The following ARAP2 variants were observed in gnomAD, a reference collection of about 807,000 sequenced individuals.
ARAP2 encodes the protein arf-GAP with Rho-GAP domain, ANK repeat and PH domain-containing protein 2.
In ARAP2, 148 loss-of-function variants were observed where a neutral mutation model predicts 194.5. The ratio of observed to expected loss-of-function variants is 0.76; its 90% CI spans 0.67 to 0.87. The LOEUF (loss-of-function observed/expected upper bound fraction) is 0.87, where lower values mean the gene tolerates loss of function less well. ARAP2 is among the 40% of genes least tolerant of loss of function. The pLI is 0.00. For missense variants in ARAP2, 2,128 were observed against 1,989.7 expected, an observed-to-expected ratio of 1.07 and a Z score of -1.32; for synonymous variants, 695 against 683.5, an observed-to-expected ratio of 1.02 and a Z score of -0.26.
At chr4:36,077,849 G>A (rs1241642956) in intron 31 of ARAP2, among the ~76,000 whole-genome samples, 1 of 152,102 alleles carries the variant, frequency 6.6e-6, no homozygotes, top group African/African-American at 2.4e-5. Flanking sequence ...ACAAGACAGT[G>A]ATGATGTCTC....
chr4:36,099,392 C>T (rs2109423179), intron 27 of ARAP2, among the ~76,000 whole-genome samples: 1 of 152,164 alleles, frequency 6.6e-6, no homozygotes, highest in African/African-American at 2.4e-5. Flanking sequence ...AGGGCATGGG[C>T]CTTATCTACA....
At chr4:36,036,307 C>T (rs1291811614) in intron 5 of ARAP2, among the ~76,000 whole-genome samples, 2 of 151,976 alleles carry the variant, frequency 1.3e-5, no homozygotes, top group Admixed American at 1.3e-4. Flanking sequence ...AATCCATGGA[C>T]GTGGCATATA....
At chr4:36,017,178 T>C (rs192881034) in intron 6 of ARAP2, among the ~76,000 whole-genome samples, 54 of 151,890 alleles carry the variant, frequency 3.6e-4, no homozygotes, top group African/African-American at 1.3e-3. Context: ...CAATTTGATG[T>C]CAAGATAAAA....
intron 15 of ARAP2, among the ~76,000 whole-genome samples, chr4:36,152,256 A>G: frequency 6.6e-6 from 1 of 152,320 alleles, no homozygotes; most frequent in East Asian, 1.9e-4. Flanking sequence ...GACCAAAGCA[A>G]TTCCTGGTCA....
At chr4:36,156,054 G>A (rs1022745772) in intron 15 of ARAP2, among the ~76,000 whole-genome samples, 2 of 152,010 alleles carry the variant, frequency 1.3e-5, no homozygotes, top group African/African-American at 4.8e-5. Flanking sequence ...GGCTGAGACA[G>A]GCAGATTACT....
At chr4:36,009,651 A>T (rs1355527621) in intron 9 of ARAP2, among the ~76,000 whole-genome samples, 1 of 152,130 alleles carries the variant, frequency 6.6e-6, no homozygotes, top group Non-Finnish European at 1.5e-5. Context: ...ATAAAATAAA[A>T]GTTGACAAAA....
chr4:36,061,668 G>A (rs893205864), downstream of ARAP2, among the ~76,000 whole-genome samples: 1 of 151,912 alleles, frequency 6.6e-6, no homozygotes, highest in Non-Finnish European at 1.5e-5. Context: ...CCTTTCTTTG[G>A]GGTATATATA....
chr4:36,035,591 T>G (rs928784120), intron 5 of ARAP2, among the ~76,000 whole-genome samples: 9 of 152,134 alleles, frequency 5.9e-5, no homozygotes, highest in African/African-American at 2.2e-4. Flanking sequence ...CAGCAGAGTC[T>G]ATGAGATTTC....
chr4:36,071,272 T>G (rs1726804073), intron 32 of ARAP2, among the ~76,000 whole-genome samples: 1 of 152,176 alleles, frequency 6.6e-6, no homozygotes, highest in Non-Finnish European at 1.5e-5. Flanking sequence ...GTGGGGGCTT[T>G]TATTAATCCC....
chr4:36,170,701 CA>C (rs1379664295), intron 9 of ARAP2, among the ~76,000 whole-genome samples: 2 of 152,114 alleles, frequency 1.3e-5, no homozygotes, highest in Non-Finnish European at 2.9e-5. Context: ...ATGAAGTTTA[CA>C]AACAGCTATG....
intron 26 of ARAP2, among the ~76,000 whole-genome samples, chr4:36,113,481 G>C (rs1384230365): frequency 6.6e-6 from 1 of 151,924 alleles, no homozygotes; most frequent in East Asian, 1.9e-4. Context: ...TTTATCCTAA[G>C]CTTGCGGGTG....
chr4:36,078,510 G>A (rs1049332724), intron 31 of ARAP2, among the ~76,000 whole-genome samples: 2 of 152,094 alleles, frequency 1.3e-5, no homozygotes, highest in Non-Finnish European at 2.9e-5. Flanking sequence ...ATAAATATTT[G>A]CTATTTTGCT....
chr4:36,088,062 TTGC>T (rs1179241335), intron 28 of ARAP2, among the ~76,000 whole-genome samples: 1 of 152,122 alleles, frequency 6.6e-6, no homozygotes, highest in African/African-American at 2.4e-5. Context: ...TGAATGTTAG[TTGC>T]TGCTATTATT....
chr4:36,073,567 C>T (rs1727543723), intron 32 of ARAP2, 122 bp downstream of exon 32: 3 of 1,147,848 alleles, frequency 2.6e-6, no homozygotes, highest in Non-Finnish European at 3.6e-6. Flanking sequence ...TATTACCATG[C>T]TTTACAAAGT....
Position 36,164,968 on chromosome 4 carries a change from C to A in ARAP2, c.2119G>T (p.Asp707Tyr). The A allele has an allele frequency of 6.2e-7, 1 of 1,614,110 alleles. No individual in the cohort carries two copies. The change falls in exon 11 of 33, where the codon GAT (aspartate) becomes TAT (tyrosine). Residue 707 changes from aspartate (D) to tyrosine (Y), a missense_variant. By Grantham distance (160) the Asp-to-Tyr change is radical (BLOSUM62 -3). Coordinates refer to ENST00000303965, the MANE Select transcript of ARAP2 (RefSeq NM_015230.4). ...NRSCADCKAP[D>Y]PDWASINLCV... Reference sequence around the variant, plus strand: ...AGATTGATGGATGCCCAGTCAGGATCTGGGGCTTTACAATCTGCACAGCTC... The same window carrying A: ...AGATTGATGGATGCCCAGTCAGGATATGGGGCTTTACAATCTGCACAGCTC...
intron 5 of ARAP2, among the ~76,000 whole-genome samples, chr4:36,028,858 C>T (rs544643600): frequency 2.6e-5 from 4 of 151,948 alleles, no homozygotes; most frequent in African/African-American, 7.2e-5. Flanking sequence ...TTTTCCCCTA[C>T]ATTTGTATAA....
At chr4:36,039,281 C>T (rs1720439295) in intron 5 of ARAP2, among the ~76,000 whole-genome samples, 1 of 152,192 alleles carries the variant, frequency 6.6e-6, no homozygotes, top group African/African-American at 2.4e-5. Context: ...GTTCTGGAGT[C>T]ACCAGCCCCA....
chr4:36,154,066 C>G (rs1425768372), intron 15 of ARAP2, among the ~76,000 whole-genome samples: 2 of 152,024 alleles, frequency 1.3e-5, no homozygotes, highest in African/African-American at 4.8e-5. Flanking sequence ...TGGAAGCTGC[C>G]CTCTTTATGC....
intron 13 of ARAP2, chr4:36,160,244 A>G: frequency 8.7e-7 from 1 of 1,142,882 alleles, no homozygotes; most frequent in African/African-American, 1.6e-5. Context: ...AGTTAGCAGG[A>G]AACTTCAATT....
Sources: gnomAD v4.1 joint callset for allele counts (sites outside exome capture counted in the v4.1 genomes callset) on GRCh38, gnomAD v4.1.1 for gene constraint, MANE v1.5 for transcripts, NCBI Gene and HGNC (gene_info 2026-07-23, HGNC 2026-07-21) for gene names.